Variants in TECPR2 observed in about 807,000 individuals in gnomAD.
TECPR2 encodes tectonin beta-propeller repeat-containing protein 2.
TECPR2 carries 65 observed loss-of-function variants against 138.1 expected under a neutral mutation model. The ratio of observed to expected loss-of-function variants is 0.47; its 90% CI spans 0.39 to 0.58. The LOEUF (loss-of-function observed/expected upper bound fraction) is 0.58, where lower values mean the gene tolerates loss of function less well. Among genes scored for constraint, TECPR2 ranks in the 20% least tolerant of loss-of-function variants. The probability of loss-of-function intolerance (pLI) is 0.00; values close to 1 mark genes in which losing one functional copy is unlikely to be tolerated. For synonymous variants in TECPR2, 746 were observed against 749.8 expected (o/e 0.99, Z 0.08); for missense variants, 1,553 against 1,824.5 (o/e 0.85, Z 2.71).
chr14:102,432,970 C>T (rs903582395), intron 8 of TECPR2, among the ~76,000 whole-genome samples: 5 of 148,984 alleles, frequency 3.4e-5, no homozygotes, highest in Non-Finnish European at 7.4e-5. Flanking sequence ...CGCCACTGCA[C>T]TCCAGCCTCG....
At chr14:102,378,868 A>G (rs1187395377) in intron 2 of TECPR2, among the ~76,000 whole-genome samples, 1 of 152,072 alleles carries the variant, frequency 6.6e-6, no homozygotes, top group Non-Finnish European at 1.5e-5. Flanking sequence ...CAGGTGATCC[A>G]TCTGCCTCAG....
At chr14:102,377,429 G>A (rs886838332) in intron 2 of TECPR2, among the ~76,000 whole-genome samples, 17 of 152,098 alleles carry the variant, frequency 1.1e-4, no homozygotes, top group Admixed American at 6.6e-5. Context: ...TAAAGTACTC[G>A]GATTACAGGC....
chr14:102,363,561 T>C (rs879855862), intron 1 of TECPR2, among the ~76,000 whole-genome samples: 1 of 152,268 alleles, frequency 6.6e-6, no homozygotes, highest in African/African-American at 2.4e-5. Flanking sequence ...TTGACACTCA[T>C]CCAGTTGGTG....
intron 11 of TECPR2, among the ~76,000 whole-genome samples, chr14:102,441,352 G>A (rs913849144): frequency 2.0e-5 from 3 of 150,538 alleles, no homozygotes; most frequent in Non-Finnish European, 4.4e-5. Context: ...TTACAGGTGT[G>A]AGCCACCACA....
chr14:102,448,736 G>T (rs1046628710), intron 13 of TECPR2, among the ~76,000 whole-genome samples: 4 of 151,862 alleles, frequency 2.6e-5, no homozygotes, highest in Non-Finnish European at 4.4e-5. Flanking sequence ...CTGTTGTGGC[G>T]TGCGCCTGTA....
At chr14:102,439,010 C>T (rs1889758206) in intron 10 of TECPR2, among the ~76,000 whole-genome samples, 1 of 151,886 alleles carries the variant, frequency 6.6e-6, no homozygotes, top group African/African-American at 2.4e-5. Context: ...TACAGGCACC[C>T]GCCACCACGC....
intron 7 of TECPR2, among the ~76,000 whole-genome samples, chr14:102,429,664 G>C (rs1295738345): frequency 6.6e-6 from 1 of 152,066 alleles, no homozygotes; most frequent in Non-Finnish European, 1.5e-5. Flanking sequence ...GGCAAATTGG[G>C]GTGAATATTC....
intron 9 of TECPR2, chr14:102,437,000 T>C (rs1889686888): frequency 1.0e-6 from 1 of 985,346 alleles, no homozygotes; most frequent in African/African-American, 1.7e-5. Flanking sequence ...CCTGACTCTC[T>C]AACTTCCTCC....
rs201302142 is a variant in TECPR2 at position 102,431,915 on chromosome 14, G to A, written c.1204G>A (p.Val402Met). The A allele has an allele frequency of 2.0e-5, 32 of 1,610,740 alleles. No homozygotes were observed. In the Middle Eastern group the frequency reaches 5.0e-4, roughly 25 times the overall value. ...CAGAGGCTCTTCCATGGCCAGCTCC[G>A]TGGCCAGCGAGCCAAGGAGCAGGAG... ...RLRGSSMASS[V>M]ASEPRSRSSS... is the part of the protein sequence containing the mutation. Residue 402 changes from valine to methionine, a missense_variant, in exon 8 of 20, where the codon GTG becomes ATG. Val to Met is a conservative substitution (Grantham distance 21). Coordinates refer to ENST00000359520, the MANE Select transcript of TECPR2 (RefSeq NM_014844.5).
intron 7 of TECPR2, among the ~76,000 whole-genome samples, chr14:102,431,487 C>T (rs569473909): frequency 1.3e-5 from 2 of 152,050 alleles, no homozygotes; most frequent in East Asian, 3.9e-4. Flanking sequence ...GGACCCCCGG[C>T]GCCCGCCACC....
chr14:102,438,225 G>C lies in TECPR2; in HGVS notation c.2578+20G>C, dbSNP rs377079804. On this transcript the variant is annotated intron_variant, in intron 10 of 19. Transcript: ENST00000359520. ...CCTCAGGTTCGCCTCCCCGCTCCCT[G>C]CTCCCGCTCCCTGCTCCCGCTCGCC... 1.3e-4 allele frequency: 109 copies of C among 866,068 alleles called. No individual in the cohort carries two copies. Among genetic ancestry groups the C allele is most frequent in the Non-Finnish European group, 1.8e-4 (106 of 599,654 alleles). 53.6% of individuals were successfully genotyped at this position (866,068 alleles called of 1,614,324 possible).
rs1239662741 is a variant in TECPR2, at chr14:102,497,066, C to T, written c.3877C>T (p.Arg1293Trp). 1 of 1,613,612 alleles carries T rather than the reference C, an allele frequency of 6.2e-7. No homozygotes were observed. Among genetic ancestry groups the T allele is most frequent in the Non-Finnish European group, 8.5e-7 (1 of 1,180,030 alleles). The change falls in exon 18 of 20, where the codon CGG (arginine) becomes TGG (tryptophan). Residue 1293 changes from arginine to tryptophan, a missense_variant. Transcript: ENST00000359520. ...VLDSRWNVHV[R>W]TGITEEMPVG... ...TGACAGCAGGTGGAACGTGCACGTG[C>T]GGACCGGGATCACCGAGGAGATGCC...
At chr14:102,377,461 A>G (rs898451524) in intron 2 of TECPR2, among the ~76,000 whole-genome samples, 31 of 152,156 alleles carry the variant, frequency 2.0e-4, no homozygotes, top group African/African-American at 6.3e-4. Context: ...CACCTGGCCT[A>G]ACATCACTTT....
intron 2 of TECPR2, among the ~76,000 whole-genome samples, chr14:102,386,101 A>G (rs1419069052): frequency 6.6e-6 from 1 of 152,172 alleles, no homozygotes; most frequent in Non-Finnish European, 1.5e-5. Flanking sequence ...CTGAGTATCA[A>G]CAGCATTTTT....
At chr14:102,490,348 C>T (rs574542980) in intron 17 of TECPR2, among the ~76,000 whole-genome samples, 1 of 152,172 alleles carries the variant, frequency 6.6e-6, no homozygotes, top group South Asian at 2.1e-4. Context: ...CTGCTGGTCT[C>T]GAAGCCCCTC....
intron 17 of TECPR2, among the ~76,000 whole-genome samples, chr14:102,478,996 G>A (rs1418898434): frequency 2.1e-4 from 27 of 128,440 alleles, no homozygotes; most frequent in African/African-American, 6.1e-4. Flanking sequence ...CAGCCTGGGC[G>A]AAAGAGTAAG....
At position 102,428,235 on chromosome 14, in the gene TECPR2, T is replaced by TTTTTTTTTTTTTTTTTTC; in HGVS notation, c.952-6_952-5insTTTTTTTTCTTTTTTTTT. 7.3e-7 allele frequency: 1 copy of TTTTTTTTTTTTTTTTTTC among 1,378,362 alleles called. No homozygotes were observed. The highest frequency in any genetic ancestry group is 1.8e-5 in the South Asian group (1 of 56,178). 85.4% of individuals were successfully genotyped at this position (1,378,362 alleles called of 1,614,324 possible). ...TTTGTGTTTTTTGTTTTTTTTTTTTTTTTTTTTTTGACAGGCCACAGTTGC... is the reference window on the plus strand; with the variant it reads ...TTTGTGTTTTTTGTTTTTTTTTTTTTTTTTTTTTTTTTTTTTTCTTTTTTTTTGACAGGCCACAGTTGC... On this transcript the variant is annotated splice_polypyrimidine_tract_variant and intron_variant, in intron 6 of 19. Coordinates refer to ENST00000359520, the MANE Select transcript of TECPR2 (RefSeq NM_014844.5).
At chr14:102,463,345 A>G (rs1886960931) in intron 16 of TECPR2, among the ~76,000 whole-genome samples, 1 of 136,664 alleles carries the variant, frequency 7.3e-6, no homozygotes, top group Admixed American at 8.2e-5. Context: ...TGAACCCGGG[A>G]GGCGGAGCTT....
rs866318176 is a variant in TECPR2, at chr14:102,401,880, T to C, written c.220-5458T>C. Among the ~76,000 whole-genome samples the C allele has an allele frequency of 2.7e-5, 4 of 150,262 alleles. 1 individual carries two copies. The highest frequency in any genetic ancestry group is 7.0e-3 in the Middle Eastern group (2 of 284). ...GCTGGTGAAAGGATAGAAAAAGATATTCCATGCAAATAGTAATGAAAAGGG... is the reference window on the plus strand; with the variant it reads ...GCTGGTGAAAGGATAGAAAAAGATACTCCATGCAAATAGTAATGAAAAGGG... On this transcript the variant is annotated intron_variant, in intron 2 of 19. Coordinates refer to ENST00000359520, the MANE Select transcript of TECPR2 (RefSeq NM_014844.5).
Sources: allele counts gnomAD v4.1 joint callset (sites outside exome capture counted in the v4.1 genomes callset), GRCh38; gene constraint gnomAD v4.1.1; transcripts MANE v1.5; gene names NCBI Gene and HGNC (gene_info 2026-07-23, HGNC 2026-07-21).